Variants in SYBU observed in about 807,000 individuals in gnomAD.
The protein encoded by SYBU is syntabulin, also known as GOLSYN A protein.
Under a neutral mutation model 35.9 loss-of-function variants are expected in SYBU, and 21 were observed. The ratio of observed to expected loss-of-function variants is 0.58; its 90% CI spans 0.41 to 0.84. The LOEUF (loss-of-function observed/expected upper bound fraction) is 0.84, where lower values mean the gene tolerates loss of function less well. Ranked by LOEUF, SYBU falls within the 40% of genes least tolerant of loss-of-function variation. The pLI, the probability that SYBU is intolerant of heterozygous loss-of-function variation, is 0.00. For missense variants in SYBU, 768 were observed against 848.2 expected, an observed-to-expected ratio of 0.91 and a Z score of 1.17; for synonymous variants, 319 against 324.3, an observed-to-expected ratio of 0.98 and a Z score of 0.18.
intron 1 of SYBU, among the ~76,000 whole-genome samples, chr8:109,670,247 AT>A (rs990983582): frequency 9.9e-5 from 15 of 151,656 alleles, no homozygotes; most frequent in South Asian, 2.1e-4. Flanking sequence ...CTTTTTTTAA[AT>A]TTTTTTTTAT....
chr8:109,594,038 C>T (rs1486179414), intron 3 of SYBU, among the ~76,000 whole-genome samples: 4 of 152,212 alleles, frequency 2.6e-5, no homozygotes, highest in South Asian at 2.1e-4. Flanking sequence ...CTTAAAAGAA[C>T]TAGCTGGAAA....
intron 1 of SYBU, among the ~76,000 whole-genome samples, chr8:109,668,165 G>GGAGAGAGA (rs60330422): frequency 0.041 from 3,651 of 88,922 alleles, 279 homozygotes; most frequent in Middle Eastern, 0.067. Flanking sequence ...GGGGAGAGGG[G>GGAGAGAGA]GAGAGAGAGA....
intron 5 of SYBU, 80 bp downstream of exon 5, chr8:109,579,719 A>T: frequency 7.6e-7 from 1 of 1,322,922 alleles, no homozygotes; most frequent in East Asian, 2.3e-5. Context: ...AGAGTTGTAT[A>T]ACTTTTTTTT....
intron 1 of SYBU, among the ~76,000 whole-genome samples, chr8:109,669,064 T>C (rs1314627695): frequency 1.3e-5 from 2 of 152,012 alleles, no homozygotes; most frequent in African/African-American, 2.4e-5. Flanking sequence ...ACTGATCGGC[T>C]GGGCGTGGTG....
chr8:109,669,339 C>CAAAAAAAA (rs533510895), intron 1 of SYBU, among the ~76,000 whole-genome samples: 2 of 49,680 alleles, frequency 4.0e-5, no homozygotes, highest in Non-Finnish European at 8.3e-5. Flanking sequence ...GAGACTCCGT[C>CAAAAAAAA]AAAAAAAAAA....
chr8:109,653,775 A>G (rs987682925), intron 1 of SYBU, among the ~76,000 whole-genome samples: 3 of 152,046 alleles, frequency 2.0e-5, no homozygotes, highest in Admixed American at 6.6e-5. Flanking sequence ...GTATTAAGAG[A>G]ACTCTCTCAA....
At chr8:109,579,025 G>A (rs1822693851) in intron 5 of SYBU, among the ~76,000 whole-genome samples, 1 of 152,114 alleles carries the variant, frequency 6.6e-6, no homozygotes, top group Non-Finnish European at 1.5e-5. Context: ...TGGGAGCTGG[G>A]AATCCCTGCT....
intron 2 of SYBU, among the ~76,000 whole-genome samples, chr8:109,625,129 CT>C (rs35247092): frequency 0.1 from 15,567 of 149,892 alleles, 1,026 homozygotes; most frequent in East Asian, 0.36. Flanking sequence ...AGAAAATGTG[CT>C]TTTTTTAAAA....
At chr8:109,682,947 C>T (rs1817435033), upstream of SYBU, among the ~76,000 whole-genome samples, 1 of 152,240 alleles carries the variant, frequency 6.6e-6, no homozygotes, top group Admixed American at 6.5e-5. Context: ...AGCCTTGGCA[C>T]TTTCCATGTG....
rs770553164 is a variant in SYBU, at chr8:109,575,976, G to A, written c.922C>T (p.Arg308Cys). Residue 308 changes from arginine (R) to cysteine (C), a missense_variant, in exon 7 of 7, where the codon CGC becomes TGC. Coordinates refer to ENST00000276646, the MANE Select transcript of SYBU (RefSeq NM_001099754.2). ...EIVELKSQLA[R>C]MREDWIEEEC... is the part of the protein sequence containing the mutation. ...TCCTCAATCCAGTCCTCTCGCATGC[G>A]GGCCAGCTGGGACTTAAGCTCCACG... 10 of 1,608,322 alleles carry A rather than the reference G, an allele frequency of 6.2e-6. No homozygotes were observed. The Admixed American group carries it at 8.4e-5, about 13-fold the overall frequency.
chr8:109,575,882 T>C lies in SYBU; in HGVS notation c.1016A>G (p.Gln339Arg). The change falls in exon 7 of 7, where the codon CAG becomes CGG. Residue 339 changes from glutamine (Q) to arginine (R), a missense_variant. Coordinates refer to ENST00000276646, the MANE Select transcript of SYBU (RefSeq NM_001099754.2). Reference protein sequence around the residue: ...EARKEIKQLKQVIETMRSSLA... With the variant: ...EARKEIKQLKRVIETMRSSLA... ...GCTGCTCCGCATGGTTTCGATGACC[T>C]GTTTGAGCTGTTTAATCTCTTTCCT... 6.2e-7 allele frequency: 1 copy of C among 1,614,022 alleles called. No homozygotes were observed. The highest frequency in any genetic ancestry group is 8.5e-7 in the Non-Finnish European group (1 of 1,180,002).
In SYBU at chr8:109,586,154, C is replaced by T. The variant is rs1224244913; in HGVS notation, c.436G>A (p.Ala146Thr). The T allele has an allele frequency of 6.2e-7, 1 of 1,605,184 alleles. No individual in the cohort carries two copies. The highest frequency in any genetic ancestry group is 1.7e-5 in the Admixed American group (1 of 58,884). ...GTGCTGCTCGAGGAGCTAAAATCAG[C>T]TTCACTACCTGAAAAACAACAGGGG... is the stretch of plus-strand genomic sequence containing the variant. The part of the protein sequence containing the change: ...KSGLVKPGSE[A>T]DFSSSSSTGS... The change falls in exon 4 of 7, where the codon GCT (alanine) becomes ACT (threonine). Residue 146 changes from alanine to threonine, a missense_variant. Physicochemically the swap from Ala to Thr is moderately conservative, Grantham distance 58. Coordinates refer to ENST00000276646, the MANE Select transcript of SYBU (RefSeq NM_001099754.2).
At chr8:109,645,679 G>A (rs1464644176), upstream of SYBU, 6 of 288,242 alleles carry the variant, frequency 2.1e-5, no homozygotes, top group African/African-American at 1.2e-4. Flanking sequence ...TCGTTCTGTG[G>A]CCCAGGCTGT....
intron 1 of SYBU, among the ~76,000 whole-genome samples, chr8:109,663,297 A>G (rs920642383): frequency 3.7e-4 from 55 of 148,484 alleles, no homozygotes; most frequent in Non-Finnish European, 6.6e-4. Context: ...AGATAGATAG[A>G]TAGGTAGATA....
At chr8:109,611,415 GA>G (rs1474746530) in intron 3 of SYBU, among the ~76,000 whole-genome samples, 10 of 151,664 alleles carry the variant, frequency 6.6e-5, no homozygotes, top group African/African-American at 2.2e-4. Flanking sequence ...AAAGGCATGA[GA>G]GAAAATATGT....
At chr8:109,677,569 A>T (rs1307492251) in intron 1 of SYBU, among the ~76,000 whole-genome samples, 1 of 152,250 alleles carries the variant, frequency 6.6e-6, no homozygotes, top group Non-Finnish European at 1.5e-5. Context: ...GGTTAACTTG[A>T]GACACTTTAA....
chr8:109,622,840 A>T (rs1208588857), intron 2 of SYBU, among the ~76,000 whole-genome samples: 1 of 152,146 alleles, frequency 6.6e-6, no homozygotes, highest in African/African-American at 2.4e-5. Flanking sequence ...GAAATTGCAG[A>T]AATACTGAAT....
chr8:109,632,310 G>A (rs1392185087), intron 2 of SYBU, among the ~76,000 whole-genome samples: 1 of 152,266 alleles, frequency 6.6e-6, no homozygotes, highest in East Asian at 1.9e-4. Context: ...CAAAGTGCTG[G>A]GATTACAGGC....
At chr8:109,607,405 A>G (rs1259272291) in intron 3 of SYBU, among the ~76,000 whole-genome samples, 2 of 152,152 alleles carry the variant, frequency 1.3e-5, no homozygotes, top group Non-Finnish European at 2.9e-5. Flanking sequence ...CCCTTTCCTA[A>G]TCACACGAAC....
Sources: gnomAD v4.1 joint callset for allele counts (sites outside exome capture counted in the v4.1 genomes callset) on GRCh38, gnomAD v4.1.1 for gene constraint, MANE v1.5 for transcripts, NCBI Gene and HGNC (gene_info 2026-07-23, HGNC 2026-07-21) for gene names.